The following UGT2B7 variants were observed in gnomAD, a reference collection of about 807,000 sequenced individuals.
The protein encoded by UGT2B7 is UDP-glucuronosyltransferase 2B7.
UGT2B7 carries 51 observed loss-of-function variants against 51.9 expected under a neutral mutation model. That is an observed-to-expected ratio of 0.98 (90% CI 0.78 to 1.24). The LOEUF (loss-of-function observed/expected upper bound fraction) is 1.24. UGT2B7 is among the 50% of genes most tolerant of loss of function. The pLI is 0.00. For synonymous variants in UGT2B7, 225 were observed against 211.6 expected (o/e 1.06, Z -0.55); for missense variants, 727 against 628.4 (o/e 1.16, Z -1.68).
chr4:69,067,740 C>G (rs1718512356), intron 1 of UGT2B7: 1 of 152,346 alleles, frequency 6.6e-6, no homozygotes, highest in Non-Finnish European at 1.5e-5. Context: ...TTTTGTAACA[C>G]TTAAAGGCCA....
At chr4:69,112,376 C>A (rs1456356562) in intron 5 of UGT2B7, 81 bp from the exon 6 acceptor site, 1 of 1,526,826 alleles carries the variant, frequency 6.5e-7, no homozygotes, top group East Asian at 2.3e-5. Context: ...GAATAAAACC[C>A]TTCCTTCTTT....
chr4:69,079,432 A>T (rs567596152), intron 1 of UGT2B7, among the ~76,000 whole-genome samples: 56 of 152,344 alleles, frequency 3.7e-4, no homozygotes, highest in African/African-American at 1.3e-3. Context: ...ATGTATACAT[A>T]CGTAACAAAC....
upstream of UGT2B7, among the ~76,000 whole-genome samples, chr4:69,096,025 G>A (rs1188682282): frequency 2.6e-5 from 4 of 152,190 alleles, no homozygotes; most frequent in African/African-American, 9.6e-5. Flanking sequence ...CCAACTGATT[G>A]TTATGGTAGA....
At chr4:69,052,267 CT>C (rs1331359423) in intron 1 of UGT2B7, among the ~76,000 whole-genome samples, 2 of 151,962 alleles carry the variant, frequency 1.3e-5, no homozygotes, top group Admixed American at 6.6e-5. Flanking sequence ...CTTTAGACCC[CT>C]TCCCCCCCAA....
At chr4:69,092,959 C>G (rs1257173913), upstream of UGT2B7, among the ~76,000 whole-genome samples, 2 of 96,912 alleles carry the variant, frequency 2.1e-5, no homozygotes, top group African/African-American at 1.0e-4. Context: ...TACCCCCACC[C>G]CAGAAAAAAA....
intron 1 of UGT2B7, among the ~76,000 whole-genome samples, chr4:69,061,344 G>T (rs1450420596): frequency 6.6e-6 from 1 of 152,210 alleles, no homozygotes; most frequent in African/African-American, 2.4e-5. Flanking sequence ...CCCCCAAACA[G>T]GTAGCAGTAA....
intron 1 of UGT2B7, among the ~76,000 whole-genome samples, chr4:69,064,072 G>GAAAGAAAGA (rs1457880823): frequency 9.5e-6 from 1 of 104,824 alleles, no homozygotes; most frequent in East Asian, 3.0e-4. Flanking sequence ...AAGAAAGAAA[G>GAAAGAAAGA]AAAGAAAGAA....
intron 1 of UGT2B7, among the ~76,000 whole-genome samples, chr4:69,069,444 C>T (rs1364568671): frequency 1.3e-5 from 2 of 151,948 alleles, no homozygotes; most frequent in African/African-American, 4.8e-5. Context: ...TAAATTATCT[C>T]TTCACATCTT....
At chr4:69,051,746 C>T (rs1718021396) in intron 1 of UGT2B7, 1 of 152,292 alleles carries the variant, frequency 6.6e-6, no homozygotes, top group Non-Finnish European at 1.5e-5. Flanking sequence ...TTGCCCCACT[C>T]CACCTAAGTG....
chr4:69,058,393 A>G (rs1016437053), intron 1 of UGT2B7, among the ~76,000 whole-genome samples: 3 of 152,202 alleles, frequency 2.0e-5, no homozygotes, highest in Non-Finnish European at 4.4e-5. Flanking sequence ...ACTTGTCTCC[A>G]GTCAGGTCAT....
chr4:69,052,086 A>G (rs1718033723), intron 1 of UGT2B7, among the ~76,000 whole-genome samples: 1 of 152,134 alleles, frequency 6.6e-6, no homozygotes. Context: ...TGGAGTCACT[A>G]TGACTCCAGG....
intron 1 of UGT2B7, among the ~76,000 whole-genome samples, chr4:69,080,693 CT>C (rs1330945391): frequency 2.6e-5 from 4 of 152,244 alleles, no homozygotes; most frequent in Admixed American, 6.5e-5. Context: ...AAAGTCTCAG[CT>C]GAAGCATAGC....
chr4:69,092,962 GA>G (rs57058697), upstream of UGT2B7, among the ~76,000 whole-genome samples: 57,434 of 131,362 alleles, frequency 0.44, 11,466 homozygotes, highest in Admixed American at 0.54. Context: ...CCCCACCCCA[GA>G]AAAAAAAAAA....
chr4:69,095,767 G>T (rs908275334), upstream of UGT2B7, among the ~76,000 whole-genome samples: 4 of 152,146 alleles, frequency 2.6e-5, no homozygotes, highest in Non-Finnish European at 5.9e-5. Flanking sequence ...CATGATGGTT[G>T]TAAGAATCAA....
intron 2 of UGT2B7, among the ~76,000 whole-genome samples, chr4:69,099,390 A>T (rs1719354917): frequency 6.6e-6 from 1 of 151,898 alleles, no homozygotes; most frequent in African/African-American, 2.4e-5. Context: ...ACGTATTAGG[A>T]GTTGAAATAT....
At chr4:69,070,269 C>T (rs1718571824) in intron 1 of UGT2B7, among the ~76,000 whole-genome samples, 1 of 146,574 alleles carries the variant, frequency 6.8e-6, no homozygotes, top group South Asian at 2.1e-4. Flanking sequence ...ATATATTATA[C>T]TTTTATATAT....
In UGT2B7 at chr4:69,061,735, G is replaced by GT. The variant is rs749103342; in HGVS notation, c.-159+10134dup. 2.6e-4 allele frequency among the ~76,000 whole-genome samples: 39 copies of GT among 152,304 alleles called. 1 individual carries two copies. The highest frequency in any genetic ancestry group is 4.9e-4 in the Non-Finnish European group (33 of 68,024). ...CTCACCGCTATTACTTGAGCCATTT[G>GT]TAAACAGCGTTTAACTTGTGCCCAA... On this transcript the variant is annotated intron_variant, in intron 1 of 5. Coordinates refer to the UGT2B7 transcript ENST00000502942.
upstream of UGT2B7, among the ~76,000 whole-genome samples, chr4:69,096,239 G>T (rs1719218999): frequency 6.6e-6 from 1 of 152,036 alleles, no homozygotes; most frequent in Non-Finnish European, 1.5e-5. Flanking sequence ...AAAATATATT[G>T]CATAAGACAG....
chr4:69,072,449 TGA>T (rs1718620845), intron 1 of UGT2B7, among the ~76,000 whole-genome samples: 1 of 152,200 alleles, frequency 6.6e-6, no homozygotes, highest in Admixed American at 6.6e-5. Context: ...CATATGAAGC[TGA>T]GTCTATCGAT....
Sources: gnomAD v4.1 joint callset for allele counts (sites outside exome capture counted in the v4.1 genomes callset) on GRCh38, gnomAD v4.1.1 for gene constraint, MANE v1.5 for transcripts, NCBI Gene and HGNC (gene_info 2026-07-23, HGNC 2026-07-21) for gene names.